UPK1B: variants seen among roughly 807,000 people sequenced by gnomAD.
UPK1B encodes uroplakin-1b.
In UPK1B, 28 loss-of-function variants were observed where a neutral mutation model predicts 34.2. The ratio of observed to expected loss-of-function variants is 0.82; its 90% confidence interval spans 0.61 to 1.12. The LOEUF is 1.12. Ranked by LOEUF, UPK1B falls within the 50% of genes most tolerant of loss-of-function variation. UPK1B has a pLI of 0.00. For synonymous variants in UPK1B, 81 were observed against 110.4 expected (o/e 0.73, Z 1.67); for missense variants, 325 against 320.9 (o/e 1.01, Z -0.10).
At position 119,196,334 on chromosome 3, in the gene UPK1B, TTATTTC is replaced by T. The variant is rs972702948; in HGVS notation, c.648+1941_648+1946del. Among the ~76,000 whole-genome samples, 3 of 152,150 alleles carry T rather than the reference TTATTTC, an allele frequency of 2.0e-5. No homozygotes were observed. In the East Asian group the frequency reaches 5.8e-4, roughly 29 times the overall value. On this transcript the variant is annotated intron_variant, in intron 6 of 7. Transcript: ENST00000264234. The stretch of plus-strand genomic sequence containing the variant: ...GTGCTACCCCAAGACCTGGTATACT[TTATTTC>T]TATTATTGCATTCACTACCTGGAAC...
At chr3:119,197,713 AT>A (rs2078072823) in intron 6 of UPK1B, among the ~76,000 whole-genome samples, 1 of 152,248 alleles carries the variant, frequency 6.6e-6, no homozygotes, top group African/African-American at 2.4e-5. Context: ...GCATTCTAGC[AT>A]GGGAGACAGA....
chr3:119,189,636 G>A (rs2107432486), intron 3 of UPK1B, among the ~76,000 whole-genome samples: 1 of 152,316 alleles, frequency 6.6e-6, no homozygotes, highest in East Asian at 1.9e-4. Flanking sequence ...TTTGAGTGTG[G>A]GTGCGTGTGA....
At chr3:119,179,400 A>ATATAT (rs71297416) in intron 1 of UPK1B, among the ~76,000 whole-genome samples, 12 of 20,072 alleles carry the variant, frequency 6.0e-4, no homozygotes, top group Non-Finnish European at 1.8e-3. Context: ...TATATATATT[A>ATATAT]ATTCTAAGGA....
chr3:119,194,334 A>T lies in UPK1B; in HGVS notation c.584A>T (p.Asn195Ile), dbSNP rs777427820. The T allele has an allele frequency of 1.2e-6, 2 of 1,613,946 alleles. No homozygotes were observed. The highest frequency in any genetic ancestry group is 1.6e-4 in the Middle Eastern group (1 of 6,062). ...CCTCGTCAATGCTGTGTTATGAACA[A>T]TCTTAAAGAACCTCTCAACCTGGAG... Reference protein sequence around the residue: ...PWPRQCCVMNNLKEPLNLEAC... With the variant: ...PWPRQCCVMNILKEPLNLEAC... Residue 195 changes from asparagine (N) to isoleucine (I), a missense_variant, in exon 6 of 8, where the codon AAT becomes ATT. Asn to Ile is a moderately radical substitution (Grantham distance 149). Coordinates refer to ENST00000264234, the MANE Select transcript of UPK1B (RefSeq NM_006952.4).
At chr3:119,197,888 A>C (rs1311068923) in intron 6 of UPK1B, among the ~76,000 whole-genome samples, 1 of 152,202 alleles carries the variant, frequency 6.6e-6, no homozygotes, top group Non-Finnish European at 1.5e-5. Context: ...AGAGGTTTGA[A>C]TTAAGTGAGA....
At chr3:119,196,407 G>A (rs142443806) in intron 6 of UPK1B, among the ~76,000 whole-genome samples, 8 of 152,184 alleles carry the variant, frequency 5.3e-5, no homozygotes, top group African/African-American at 1.9e-4. Flanking sequence ...TCTCCTTGAG[G>A]ACTATGTATT....
chr3:119,178,313 A>G lies in UPK1B; in HGVS notation c.-29+4675A>G, dbSNP rs1241580091. On this transcript the variant is annotated intron_variant, in intron 1 of 7. Transcript: ENST00000264234. ...CTGGATTCAAAGAAACTGGTCAGCA[A>G]CAGAGAGTGGGGGGACAAGTGATGA... is the stretch of plus-strand genomic sequence containing the variant. Among the ~76,000 whole-genome samples, 3 of 152,232 alleles carry G rather than the reference A, an allele frequency of 2.0e-5. No individual in the cohort carries two copies. The East Asian group carries it at 5.8e-4, about 29-fold the overall frequency.
intron 2 of UPK1B, among the ~76,000 whole-genome samples, chr3:119,187,096 C>T (rs1392056501): frequency 6.6e-6 from 1 of 152,198 alleles, no homozygotes; most frequent in Non-Finnish European, 1.5e-5. Flanking sequence ...TACGAACACA[C>T]TTCACTATTT....
chr3:119,179,368 T>A lies in UPK1B; in HGVS notation c.-29+5730T>A, dbSNP rs1420028389. ...AGAGAGGGAGATATATATATATATA[T>A]ATATATATATATATATATATATATA... On this transcript the variant is annotated intron_variant, in intron 1 of 7. Transcript: ENST00000264234. Among the ~76,000 whole-genome samples the A allele has an allele frequency of 2.7e-4, 15 of 56,358 alleles. No homozygotes were observed. In the South Asian group the frequency reaches 9.1e-3, roughly 34 times the overall value. 37.0% of individuals were successfully genotyped at this position (56,358 alleles called of 152,430 possible).
At chr3:119,200,233 T>C (rs1178879857) in intron 7 of UPK1B, among the ~76,000 whole-genome samples, 1 of 152,204 alleles carries the variant, frequency 6.6e-6, no homozygotes, top group East Asian at 1.9e-4. Flanking sequence ...TTTTATTTCT[T>C]GTAGAGACAG....
intron 6 of UPK1B, among the ~76,000 whole-genome samples, chr3:119,194,864 C>T (rs994074881): frequency 6.6e-6 from 1 of 152,178 alleles, no homozygotes; most frequent in African/African-American, 2.4e-5. Flanking sequence ...TCTTAATAAA[C>T]ATTAGGTTGG....
chr3:119,189,125 G>A (rs765923724), intron 3 of UPK1B, among the ~76,000 whole-genome samples: 1 of 152,150 alleles, frequency 6.6e-6, no homozygotes, highest in South Asian at 2.1e-4. Context: ...AGGCAAAGGG[G>A]CTAAAGGAGG....
chr3:119,177,542 A>C (rs979203589), intron 1 of UPK1B, among the ~76,000 whole-genome samples: 2 of 152,252 alleles, frequency 1.3e-5, no homozygotes, highest in East Asian at 3.8e-4. Flanking sequence ...TGCCGTGAAC[A>C]GGCACCTGGC....
chr3:119,181,147 G>C (rs1484792245), intron 1 of UPK1B, among the ~76,000 whole-genome samples: 1 of 152,136 alleles, frequency 6.6e-6, no homozygotes, highest in African/African-American at 2.4e-5. Context: ...TCTGGGGCTA[G>C]CTATGTGTTT....
chr3:119,184,339 C>T (rs867470164), intron 1 of UPK1B, among the ~76,000 whole-genome samples: 3 of 152,116 alleles, frequency 2.0e-5, no homozygotes, highest in Admixed American at 2.0e-4. Context: ...AGCCCCTCAG[C>T]GGTGCCTCTG....
chr3:119,201,843 C>A (rs771215041), intron 7 of UPK1B, among the ~76,000 whole-genome samples: 4 of 152,104 alleles, frequency 2.6e-5, no homozygotes, highest in Non-Finnish European at 5.9e-5. Flanking sequence ...GTTCTTTGTA[C>A]CCCCAGTGCC....
At chr3:119,191,186 A>G in intron 5 of UPK1B, 82 bp downstream of exon 5, 2 of 1,469,072 alleles carry the variant, frequency 1.4e-6, no homozygotes, top group Non-Finnish European at 1.8e-6. Flanking sequence ...GTGGGACCCT[A>G]TATTTTATTT....
chr3:119,175,871 T>C (rs564129475), intron 1 of UPK1B: 2 of 152,394 alleles, frequency 1.3e-5, no homozygotes, highest in East Asian at 3.9e-4. Context: ...TTTAAATAAC[T>C]GCATGCAACT....
chr3:119,194,494 A>T (rs2078058082), intron 6 of UPK1B, 96 bp downstream of exon 6: 3 of 1,152,404 alleles, frequency 2.6e-6, no homozygotes, highest in Non-Finnish European at 3.6e-6. Context: ...TTCAGTAAGG[A>T]ATTCTACATT....
Sources: allele counts gnomAD v4.1 joint callset (sites outside exome capture counted in the v4.1 genomes callset), GRCh38; gene constraint gnomAD v4.1.1; transcripts MANE v1.5; gene names NCBI Gene and HGNC (gene_info 2026-07-23, HGNC 2026-07-21).